Variants in DNAJC1 observed in about 807,000 individuals in gnomAD.
DNAJC1 encodes the protein DnaJ heat shock protein family (Hsp40) member C1.
DNAJC1 carries 58 observed loss-of-function variants against 76.6 expected under a neutral mutation model. That is an observed-to-expected ratio of 0.76 (90% confidence interval 0.61 to 0.94). The LOEUF (loss-of-function observed/expected upper bound fraction) is 0.94. DNAJC1 is among the 40% of genes least tolerant of loss of function. DNAJC1 has a pLI of 0.00. For missense variants in DNAJC1, 689 were observed against 677.3 expected, an observed-to-expected ratio of 1.02 and a Z score of -0.19; for synonymous variants, 258 against 267.9, an observed-to-expected ratio of 0.96 and a Z score of 0.36.
At position 21,900,148 on chromosome 10, in the gene DNAJC1, G is replaced by A. The variant is rs146608441; in HGVS notation, c.820+4374C>T. 1.9e-3 allele frequency among the ~76,000 whole-genome samples: 288 copies of A among 152,192 alleles called. 2 individuals are homozygous for A. Among genetic ancestry groups the A allele is most frequent in the Middle Eastern group, 0.01 (3 of 294 alleles). ...ACCTGAGGTCAGGAGTTCGAGACCA[G>A]TCTGGACAACATGGTGAAACCCCGT... On this transcript the variant is annotated intron_variant, in intron 7 of 11. Coordinates refer to ENST00000376980, the MANE Select transcript of DNAJC1 (RefSeq NM_022365.4).
chr10:22,003,337 C>A lies in DNAJC1; in HGVS notation c.98G>T (p.Trp33Leu). The change falls in exon 1 of 12, where the codon TGG (tryptophan) becomes TTG (leucine). Residue 33 changes from tryptophan to leucine, a missense_variant. Physicochemically the swap from Trp to Leu is moderately conservative, Grantham distance 61. Transcript: ENST00000376980. ...GGCGGCCAGCAGCAGCAGCAGCAGC[C>A]ACAGCAGCGGCGTCCGCGGCGGCGG... is the stretch of plus-strand genomic sequence containing the variant. ...PPPPPRTPLL[W>L]LLLLLLAAVA... 2 of 1,505,638 alleles carry A rather than the reference C, an allele frequency of 1.3e-6. No homozygotes were observed. The highest frequency in any genetic ancestry group is 2.8e-5 in the East Asian group (1 of 35,548). 93.3% of individuals were successfully genotyped at this position (1,505,638 alleles called of 1,614,324 possible).
At chr10:21,813,406 T>C (rs907473744) in intron 8 of DNAJC1, among the ~76,000 whole-genome samples, 1 of 122,794 alleles carries the variant, frequency 8.1e-6, no homozygotes, top group African/African-American at 3.3e-5. Context: ...TTTTTTTTTT[T>C]GAGACGGAGT....
chr10:21,848,746 T>C (rs1380013330), intron 8 of DNAJC1, among the ~76,000 whole-genome samples: 1 of 152,066 alleles, frequency 6.6e-6, no homozygotes, highest in African/African-American at 2.4e-5. Context: ...ACAAAACAAG[T>C]GTCAATAAAT....
At chr10:21,900,086 T>C (rs1006136072) in intron 7 of DNAJC1, among the ~76,000 whole-genome samples, 1 of 152,182 alleles carries the variant, frequency 6.6e-6, no homozygotes, top group African/African-American at 2.4e-5. Context: ...CTCACACCTG[T>C]AATCCCAACA....
chr10:21,988,635 G>C (rs1242252849), intron 1 of DNAJC1, among the ~76,000 whole-genome samples: 2 of 152,078 alleles, frequency 1.3e-5, no homozygotes, highest in African/African-American at 4.8e-5. Context: ...CCATTAAGTT[G>C]ATTATTAAAA....
chr10:21,915,468 C>T (rs550379731), intron 6 of DNAJC1, among the ~76,000 whole-genome samples: 24 of 152,288 alleles, frequency 1.6e-4, no homozygotes, highest in African/African-American at 5.5e-4. Context: ...CTCTGAATCT[C>T]CCACTTTTAG....
At chr10:21,915,202 T>C (rs1290733184) in intron 6 of DNAJC1, among the ~76,000 whole-genome samples, 51 of 152,194 alleles carry the variant, frequency 3.4e-4, no homozygotes, top group Admixed American at 3.3e-3. Flanking sequence ...TAGAAAATAA[T>C]TTAGGTATAC....
In DNAJC1 at chr10:21,982,824, C is replaced by T. The variant is rs576634101; in HGVS notation, c.222+20389G>A. Among the ~76,000 whole-genome samples, 5 of 151,960 alleles carry T rather than the reference C, an allele frequency of 3.3e-5. No individual in the cohort carries two copies. In the South Asian group the frequency reaches 1.0e-3, roughly 32 times the overall value. On this transcript the variant is annotated intron_variant, in intron 1 of 11. Coordinates refer to ENST00000376980, the MANE Select transcript of DNAJC1 (RefSeq NM_022365.4). Reference sequence around the variant, plus strand: ...AAAATGGCACAGCAGCTATGAAAAACAATTTGGTGGTTCCTCAAAAAGTTA... The same window carrying T: ...AAAATGGCACAGCAGCTATGAAAAATAATTTGGTGGTTCCTCAAAAAGTTA...
chr10:21,904,373 T>C (rs1836708272), intron 7 of DNAJC1, 149 bp downstream of exon 7: 1 of 436,660 alleles, frequency 2.3e-6, no homozygotes, highest in Non-Finnish European at 3.9e-6. Flanking sequence ...CCATGTCAAA[T>C]ACATTAAGTA....
chr10:21,828,276 A>G (rs1648230671), intron 8 of DNAJC1, among the ~76,000 whole-genome samples: 1 of 152,242 alleles, frequency 6.6e-6, no homozygotes, highest in Non-Finnish European at 1.5e-5. Flanking sequence ...GCTAGGCACT[A>G]TTATGATACT....
intron 1 of DNAJC1, among the ~76,000 whole-genome samples, chr10:21,989,292 T>C (rs1838295293): frequency 6.6e-6 from 1 of 152,194 alleles, no homozygotes; most frequent in Non-Finnish European, 1.5e-5. Flanking sequence ...CTCTAAGTAT[T>C]TGAGGGACTT....
chr10:21,900,686 T>C (rs1249894872), intron 7 of DNAJC1, among the ~76,000 whole-genome samples: 2 of 152,174 alleles, frequency 1.3e-5, no homozygotes, highest in East Asian at 1.9e-4. Flanking sequence ...GGGCTCCTAT[T>C]AGATTTTAGG....
chr10:21,973,159 A>G (rs1366137979), intron 1 of DNAJC1, among the ~76,000 whole-genome samples: 3 of 152,166 alleles, frequency 2.0e-5, no homozygotes, highest in Non-Finnish European at 2.9e-5. Flanking sequence ...TCAATTCTGT[A>G]AAAATCAAAA....
At chr10:21,847,853 C>T (rs1192588412) in intron 8 of DNAJC1, among the ~76,000 whole-genome samples, 1 of 152,070 alleles carries the variant, frequency 6.6e-6, no homozygotes, top group Non-Finnish European at 1.5e-5. Flanking sequence ...TTTATCCATT[C>T]ATATCCTAAT....
intron 9 of DNAJC1, among the ~76,000 whole-genome samples, chr10:21,789,046 G>T (rs897212591): frequency 7.2e-6 from 1 of 138,180 alleles, no homozygotes; most frequent in Non-Finnish European, 1.5e-5. Context: ...GCTGCTCTGA[G>T]CACCCGCACC....
chr10:21,908,200 T>TA (rs1295973578), intron 6 of DNAJC1, among the ~76,000 whole-genome samples: 29 of 93,904 alleles, frequency 3.1e-4, no homozygotes, highest in African/African-American at 1.3e-3. Context: ...ATATATTATA[T>TA]ATATAAAATA....
intron 8 of DNAJC1, among the ~76,000 whole-genome samples, chr10:21,845,504 G>A (rs1186367867): frequency 6.6e-6 from 1 of 151,858 alleles, no homozygotes; most frequent in Non-Finnish European, 1.5e-5. Flanking sequence ...ATAGGTGTGT[G>A]CCACCATGCC....
intron 1 of DNAJC1, among the ~76,000 whole-genome samples, chr10:21,945,627 G>A (rs1366615646): frequency 6.6e-6 from 1 of 152,144 alleles, no homozygotes; most frequent in Non-Finnish European, 1.5e-5. Context: ...TAAGATGAAA[G>A]TATTTGAGTA....
intron 1 of DNAJC1, among the ~76,000 whole-genome samples, chr10:21,968,879 G>A (rs556107259): frequency 6.6e-6 from 1 of 152,010 alleles, no homozygotes; most frequent in Admixed American, 6.5e-5. Flanking sequence ...TAACAAGGCA[G>A]CTGTCATTCC....
Sources: allele counts gnomAD v4.1 joint callset (sites outside exome capture counted in the v4.1 genomes callset), GRCh38; gene constraint gnomAD v4.1.1; transcripts MANE v1.5; gene names NCBI Gene and HGNC (gene_info 2026-07-23, HGNC 2026-07-21).